C1orf54: variants seen among roughly 807,000 people sequenced by gnomAD.
C1orf54 encodes the protein uncharacterized protein C1orf54.
In C1orf54, 12 loss-of-function variants were observed where a neutral mutation model predicts 14.7. The observed-to-expected ratio is 0.82, with a 90% CI of 0.52 to 1.32. The LOEUF is 1.32. Among genes scored for constraint, C1orf54 ranks in the 40% most tolerant of loss-of-function variants. The pLI is 0.00. For synonymous variants in C1orf54, 65 were observed against 56.3 expected (o/e 1.16, Z -0.70); for missense variants, 163 against 162.2 (o/e 1.00, Z -0.03).
At chr1:150,279,411 A>AT (rs1387120213) in intron 4 of C1orf54, among the ~76,000 whole-genome samples, 1 of 152,226 alleles carries the variant, frequency 6.6e-6, no homozygotes, top group Non-Finnish European at 1.5e-5. Flanking sequence ...CACATAATAG[A>AT]TAAAAAATAG....
At chr1:150,275,213 T>C (rs587595876) in intron 2 of C1orf54, among the ~76,000 whole-genome samples, 2 of 152,090 alleles carry the variant, frequency 1.3e-5, no homozygotes, top group South Asian at 4.2e-4. Flanking sequence ...TAATTTTGTA[T>C]CTTTAGTAGA....
intron 1 of C1orf54, 135 bp from the exon 2 acceptor site, chr1:150,273,952 C>T: frequency 1.5e-6 from 1 of 660,198 alleles, no homozygotes; most frequent in South Asian, 1.7e-5. Flanking sequence ...AGGAGTATGA[C>T]TATTGGAGGA....
chr1:150,279,918 G>A (rs11205355), intron 5 of C1orf54, among the ~76,000 whole-genome samples, 177 bp downstream of exon 5: 64,543 of 151,974 alleles, frequency 0.42, 14,167 homozygotes, highest in East Asian at 0.71. Flanking sequence ...CTTTGGGATG[G>A]TGACGTGGGA....
intron 2 of C1orf54, among the ~76,000 whole-genome samples, chr1:150,274,888 G>T (rs1553852077): frequency 7.0e-6 from 1 of 143,552 alleles, no homozygotes; most frequent in African/African-American, 2.6e-5. Context: ...ACTCCAGCCT[G>T]GGCGACAGAA....
intron 4 of C1orf54, among the ~76,000 whole-genome samples, chr1:150,276,917 G>A (rs1572109152): frequency 7.0e-6 from 1 of 142,790 alleles, no homozygotes; most frequent in East Asian, 2.0e-4. Context: ...TGATAAAAAA[G>A]AAATCTATGT....
At chr1:150,274,416 C>T (rs1337430731) in intron 2 of C1orf54, among the ~76,000 whole-genome samples, 1 of 151,340 alleles carries the variant, frequency 6.6e-6, no homozygotes, top group East Asian at 1.9e-4. Flanking sequence ...CTGGCTAACA[C>T]AGTGAAACCC....
intron 2 of C1orf54, 79 bp downstream of exon 2, chr1:150,274,249 A>C: frequency 1.8e-6 from 2 of 1,112,408 alleles, no homozygotes; most frequent in Non-Finnish European, 2.7e-6. Context: ...TTTGCTCTTC[A>C]CTTTGAAGCA....
rs1553852329 is a variant in C1orf54 at position 150,275,780 on chromosome 1, T to C, written c.170T>C (p.Phe57Ser). 1 of 1,612,342 alleles carries C rather than the reference T, an allele frequency of 6.2e-7. No homozygotes were observed. The highest frequency in any genetic ancestry group is 1.3e-5 in the African/African-American group (1 of 74,870). ...SADFTIDYSI[F>S]ESEDRLNRLD... Reference sequence around the variant, plus strand: ...GATTTCACCATTGATTACTCCATATTTGAGTCAGAGGACAGGCTGGTGAGT... The same window carrying C: ...GATTTCACCATTGATTACTCCATATCTGAGTCAGAGGACAGGCTGGTGAGT... The change falls in exon 3 of 6, where the codon TTT becomes TCT. Residue 57 changes from phenylalanine (F) to serine (S), a missense_variant. Transcript: ENST00000369099.
At chr1:150,276,870 T>C (rs1171137634) in intron 4 of C1orf54, among the ~76,000 whole-genome samples, 2 of 152,222 alleles carry the variant, frequency 1.3e-5, no homozygotes, top group East Asian at 3.8e-4. Context: ...TCAATAGGTA[T>C]GTAATCTATG....
At chr1:150,273,752 C>T (rs959342890) in intron 1 of C1orf54, among the ~76,000 whole-genome samples, 2 of 152,160 alleles carry the variant, frequency 1.3e-5, no homozygotes, top group African/African-American at 2.4e-5. Context: ...GAAGACTTGG[C>T]GTTTTTAATT....
At chr1:150,272,750 G>A (rs908473338), upstream of C1orf54, 33 of 1,540,894 alleles carry the variant, frequency 2.1e-5, no homozygotes, top group East Asian at 2.5e-4. Flanking sequence ...GAGGGGAGGC[G>A]GGGTAAGTTT....
chr1:150,278,864 G>A (rs1428097064), intron 4 of C1orf54, among the ~76,000 whole-genome samples: 3 of 152,160 alleles, frequency 2.0e-5, no homozygotes, highest in Admixed American at 6.5e-5. Flanking sequence ...GAGAAGCAAC[G>A]GCTGGAAAGG....
intron 1 of C1orf54, 98 bp from the exon 2 acceptor site, chr1:150,273,989 A>C (rs1652423139): frequency 2.6e-6 from 2 of 765,812 alleles, no homozygotes; most frequent in Non-Finnish European, 4.5e-6. Context: ...AAAGAAAGAA[A>C]GAGCAAGAAA....
upstream of C1orf54, among the ~76,000 whole-genome samples, chr1:150,271,666 T>C (rs1652213214): frequency 6.6e-6 from 1 of 152,212 alleles, no homozygotes; most frequent in African/African-American, 2.4e-5. Flanking sequence ...GGTTTCTGAA[T>C]TGAATGAACA....
chr1:150,276,740 A>C (rs1652694515), intron 4 of C1orf54, 108 bp downstream of exon 4: 1 of 829,278 alleles, frequency 1.2e-6, no homozygotes, highest in Non-Finnish European at 2.0e-6. Flanking sequence ...GAACCAAATA[A>C]TTAGTACTTC....
In C1orf54 at chr1:150,279,299, A is replaced by G. The variant is rs1652913044; in HGVS notation, c.301-344A>G. ...AACAAATAAATAAAATATAGAGTAG[A>G]CTCTCTTTAGATTGTAAATTCCTTG... On this transcript the variant is annotated intron_variant, in intron 4 of 5. Coordinates refer to ENST00000369099, the MANE Select transcript of C1orf54 (RefSeq NM_024579.4). Among the ~76,000 whole-genome samples the G allele has an allele frequency of 1.3e-5, 2 of 151,840 alleles. 1 individual carries two copies. Among genetic ancestry groups the G allele is most frequent in the South Asian group, 4.2e-4 (2 of 4,802 alleles).
chr1:150,280,736 T>C (rs587681394), intron 5 of C1orf54, 99 bp from the exon 6 acceptor site: 157 of 953,142 alleles, frequency 1.6e-4, no homozygotes, highest in East Asian at 1.2e-3. Context: ...CAATCCCAGC[T>C]CAGAATATCT....
chr1:150,271,787 G>A (rs1652220633), upstream of C1orf54, among the ~76,000 whole-genome samples: 1 of 152,222 alleles, frequency 6.6e-6, no homozygotes, highest in Non-Finnish European at 1.5e-5. Flanking sequence ...ACCTGTAGCA[G>A]GGAAAGAGAC....
At position 150,272,839 on chromosome 1, in the gene C1orf54, A is replaced by G. The variant is rs782570702; in HGVS notation, c.22A>G (p.Ile8Val). 4.3e-6 allele frequency: 7 copies of G among 1,614,132 alleles called. No homozygotes were observed. In the South Asian group the frequency reaches 6.6e-5, roughly 15 times the overall value. Residue 8 changes from isoleucine (I) to valine (V), a missense_variant, in exon 1 of 6, where the codon ATC (isoleucine) becomes GTC (valine). Transcript: ENST00000369099. ...CAGAATGGATGTCCTCTTTGTAGCC[A>G]TCTTTGCTGTGCCACTTATCCTGGG... MDVLFVA[I>V]FAVPLILGQE... is the part of the protein sequence containing the mutation.
Sources: gnomAD v4.1 joint callset for allele counts (sites outside exome capture counted in the v4.1 genomes callset) on GRCh38, gnomAD v4.1.1 for gene constraint, MANE v1.5 for transcripts, NCBI Gene and HGNC (gene_info 2026-07-23, HGNC 2026-07-21) for gene names.